Variants in NFATC1 observed in about 807,000 individuals in gnomAD.
NFATC1 encodes nuclear factor of activated T-cells, cytoplasmic 1.
Under a neutral mutation model 76.0 loss-of-function variants are expected in NFATC1, and 22 were observed. The observed-to-expected ratio is 0.29, with a 90% CI of 0.21 to 0.41. The LOEUF (loss-of-function observed/expected upper bound fraction) is 0.41. NFATC1 is among the 10% of genes least tolerant of loss of function. NFATC1 has a pLI of 1.00. For synonymous variants in NFATC1, 704 were observed against 613.1 expected (o/e 1.15, Z -2.19); for missense variants, 1,357 against 1,337.7 (o/e 1.01, Z -0.23).
chr18:79,507,466 G>C (rs1345136289), intron 9 of NFATC1, among the ~76,000 whole-genome samples: 1 of 152,270 alleles, frequency 6.6e-6, no homozygotes, highest in Non-Finnish European at 1.5e-5. Context: ...GGCTGGCGCA[G>C]CCTCTGCCAA....
At chr18:79,455,003 A>G (rs1007500379) in intron 6 of NFATC1, among the ~76,000 whole-genome samples, 3 of 152,226 alleles carry the variant, frequency 2.0e-5, no homozygotes, top group African/African-American at 7.2e-5. Context: ...AACGTTCAAC[A>G]TAAACGAAAC....
At chr18:79,435,972 T>TTTC (rs148120295) in intron 3 of NFATC1, among the ~76,000 whole-genome samples, 5,802 of 152,266 alleles carry the variant, frequency 0.038, 368 homozygotes, top group African/African-American at 0.13. Context: ...GCAGAGTGGA[T>TTTC]TTCTGTCTCT....
In NFATC1 at chr18:79,527,685, C is replaced by T. The variant is rs1411999487; in HGVS notation, c.*108C>T. The T allele has an allele frequency of 2.1e-6, 2 of 965,948 alleles. No homozygotes were observed. Among genetic ancestry groups the T allele is most frequent in the Non-Finnish European group, 3.3e-6 (2 of 610,918 alleles). 59.8% of individuals were successfully genotyped at this position (965,948 alleles called of 1,614,324 possible). A position where few individuals can be genotyped will look rare whatever the true frequency, so the allele number is the denominator to read the frequency against. On this transcript the variant is annotated 3_prime_UTR_variant, in exon 10 of 10. Transcript: ENST00000427363. ...ACCTGGTACCACTCAGAACCTCCAA[C>T]TGACTGAATGCCAGGAGCTGAACAT...
chr18:79,489,926 T>C (rs2089628573), intron 9 of NFATC1, among the ~76,000 whole-genome samples: 1 of 151,968 alleles, frequency 6.6e-6, no homozygotes, highest in Admixed American at 6.6e-5. Flanking sequence ...GGGATGGAGG[T>C]TGAGATACCT....
At chr18:79,463,894 A>G (rs1276537503) in intron 7 of NFATC1, among the ~76,000 whole-genome samples, 1 of 152,228 alleles carries the variant, frequency 6.6e-6, no homozygotes, top group East Asian at 1.9e-4. Flanking sequence ...CTAGGCAGGG[A>G]GAGCAGCCAG....
chr18:79,522,736 A>AGGAC (rs1283028655), intron 9 of NFATC1, among the ~76,000 whole-genome samples: 1 of 152,056 alleles, frequency 6.6e-6, no homozygotes, highest in Admixed American at 6.5e-5. Flanking sequence ...TGGAGGAGAG[A>AGGAC]GGACGGACTC....
chr18:79,470,697 C>G (rs959250487), intron 8 of NFATC1: 1 of 152,266 alleles, frequency 6.6e-6, no homozygotes, highest in African/African-American at 2.4e-5. Flanking sequence ...TCCGATGACT[C>G]GGCCGAAGAT....
chr18:79,426,156 CAG>C (rs2086320448), intron 2 of NFATC1, among the ~76,000 whole-genome samples: 1 of 151,958 alleles, frequency 6.6e-6, no homozygotes, highest in South Asian at 2.1e-4. Context: ...GCCTGGGTGA[CAG>C]AGCGAGACCC....
intron 9 of NFATC1, among the ~76,000 whole-genome samples, chr18:79,492,267 CA>C (rs2089701783): frequency 6.6e-6 from 1 of 152,096 alleles, no homozygotes; most frequent in African/African-American, 2.4e-5. Flanking sequence ...CTGTGCGTCT[CA>C]AAGAAGTCAA....
At position 79,448,919 on chromosome 18, in the gene NFATC1, G is replaced by C; in HGVS notation, c.1524G>C (p.Glu508Asp). 2 of 1,613,812 alleles carry C rather than the reference G, an allele frequency of 1.2e-6. No homozygotes were observed. Among genetic ancestry groups the C allele is most frequent in the Non-Finnish European group, 1.7e-6 (2 of 1,180,044 alleles). Reference sequence around the variant, plus strand: ...AGACCGTGTCCACCACCAGCCACGAGGCCATCCTCTCCAACACCAAAGTCC... The same window carrying C: ...AGACCGTGTCCACCACCAGCCACGACGCCATCCTCTCCAACACCAAAGTCC... Reference protein sequence around the residue: ...TGKTVSTTSHEAILSNTKVLE... With the variant: ...TGKTVSTTSHDAILSNTKVLE... The change falls in exon 4 of 10, where the codon GAG becomes GAC. Residue 508 changes from glutamate to aspartate, a missense_variant. Physicochemically the swap from Glu to Asp is conservative, Grantham distance 45. Transcript: ENST00000427363.
intron 1 of NFATC1, among the ~76,000 whole-genome samples, chr18:79,405,432 A>G (rs1256982487): frequency 6.6e-6 from 1 of 152,260 alleles, no homozygotes; most frequent in East Asian, 1.9e-4. Context: ...AGTTACTGGG[A>G]ATATTTTCCC....
chr18:79,444,227 G>T (rs2144734462), intron 3 of NFATC1, among the ~76,000 whole-genome samples: 1 of 152,176 alleles, frequency 6.6e-6, no homozygotes, highest in East Asian at 1.9e-4. Context: ...GCACGCTCTG[G>T]GGGGGTGTGC....
chr18:79,421,599 G>T, intron 2 of NFATC1: 1 of 152,506 alleles, frequency 6.6e-6, no homozygotes, highest in Non-Finnish European at 1.5e-5. Context: ...CAAGCCTCCA[G>T]GTTTCGGTTC....
At chr18:79,496,307 G>A (rs914506492) in intron 9 of NFATC1, 1 of 152,496 alleles carries the variant, frequency 6.6e-6, no homozygotes, top group Admixed American at 6.5e-5. Context: ...GAGCCAGCAT[G>A]TCGCACTGAT....
intron 6 of NFATC1, among the ~76,000 whole-genome samples, chr18:79,459,809 TGATTTG>T (rs2087963346): frequency 6.6e-6 from 1 of 151,192 alleles, no homozygotes. Context: ...ACACACAGAG[TGATTTG>T]GATTTTTATG....
rs184909156 is a variant in NFATC1 at position 79,458,488 on chromosome 18, G to A, written c.1904-2823G>A. ...TGGGGGTGGCCCGGCTCCGGGCGGC[G>A]GGTCCTGGCCGGTCTGGGAGGCTCC... On this transcript the variant is annotated intron_variant, in intron 6 of 9. Coordinates refer to ENST00000427363, the MANE Select transcript of NFATC1 (RefSeq NM_001278669.2). Among the ~76,000 whole-genome samples, 39 of 152,338 alleles carry A rather than the reference G, an allele frequency of 2.6e-4. 3 individuals are homozygous for A. The East Asian group carries it at 6.6e-3, about 26-fold the overall frequency.
chr18:79,450,051 C>T (rs887270950), intron 4 of NFATC1, among the ~76,000 whole-genome samples: 5 of 152,154 alleles, frequency 3.3e-5, no homozygotes, highest in South Asian at 2.1e-4. Context: ...GTTCCACAGC[C>T]GTAGTAAACG....
intron 2 of NFATC1, among the ~76,000 whole-genome samples, chr18:79,418,911 G>A (rs1295176533): frequency 6.6e-6 from 1 of 152,210 alleles, no homozygotes; most frequent in Admixed American, 6.5e-5. Context: ...GTGTGGAAGG[G>A]CTGGGGCATC....
At chr18:79,519,057 G>T (rs1426670557) in intron 9 of NFATC1, among the ~76,000 whole-genome samples, 1 of 152,218 alleles carries the variant, frequency 6.6e-6, no homozygotes, top group Non-Finnish European at 1.5e-5. Context: ...GGCCCTTCCA[G>T]GCTCCCTTTT....
Sources: gnomAD v4.1 joint callset for allele counts (sites outside exome capture counted in the v4.1 genomes callset) on GRCh38, gnomAD v4.1.1 for gene constraint, MANE v1.5 for transcripts, NCBI Gene and HGNC (gene_info 2026-07-23, HGNC 2026-07-21) for gene names.